Variants in TTC22 observed in about 807,000 individuals in gnomAD.
TTC22 encodes the protein tetratricopeptide repeat protein 22.
TTC22 carries 42 observed loss-of-function variants against 48.2 expected under a neutral mutation model. The ratio of observed to expected loss-of-function variants is 0.87; its 90% CI spans 0.68 to 1.13. The LOEUF is 1.13. Ranked by LOEUF, TTC22 falls within the 50% of genes most tolerant of loss-of-function variation. The pLI is 0.00. For synonymous variants in TTC22, 345 were observed against 365.5 expected (o/e 0.94, Z 0.64); for missense variants, 784 against 807.0 (o/e 0.97, Z 0.34).
chr1:54,800,548 GA>G lies in TTC22; in HGVS notation c.567+48del, dbSNP rs146274410. ...TCTCTGCAGACAGAAGGGACCATGG[GA>G]GGACCACAGTCCTCCCAGAGGGAGG... is the stretch of plus-strand genomic sequence containing the variant. On this transcript the variant is annotated intron_variant, in intron 1 of 6. Coordinates refer to ENST00000371276, the MANE Select transcript of TTC22 (RefSeq NM_001114108.2). 1,912 of 1,390,380 alleles carry G rather than the reference GA, an allele frequency of 1.4e-3. 6 individuals are homozygous for G. The African/African-American group carries it at 0.016, about 12-fold the overall frequency. 86.1% of individuals were successfully genotyped at this position (1,390,380 alleles called of 1,614,324 possible).
At chr1:54,800,391 T>TC (rs896642740) in intron 1 of TTC22, among the ~76,000 whole-genome samples, 86 of 152,230 alleles carry the variant, frequency 5.6e-4, no homozygotes, top group African/African-American at 1.9e-3. Context: ...GGGCAGGCAG[T>TC]CCCACTAGGA....
rs559868882 is a variant in TTC22, at chr1:54,786,707, G to A, written c.858+250C>T. The stretch of plus-strand genomic sequence containing the variant: ...GGCAGAGGGAATACTGTGAATGAAG[G>A]TCTCAAGGGAAAAAGTCTAAGGGTC... On this transcript the variant is annotated intron_variant, in intron 4 of 6. Transcript: ENST00000371276. 8 of 381,242 alleles carry A rather than the reference G, an allele frequency of 2.1e-5. No homozygotes were observed. The East Asian group carries it at 3.1e-4, about 15-fold the overall frequency. The allele number at this position is 381,242 out of a possible 1,614,324, so 23.6% of individuals were successfully genotyped here.
chr1:54,800,588 G>C lies in TTC22; in HGVS notation c.567+9C>G. On this transcript the variant is annotated intron_variant, in intron 1 of 6. Transcript: ENST00000371276. ...CCCAGAGGGAGGTAGGGAGACAGGG[G>C]TCACCTACCTGCTGCCCGTAGCCTA... 6.7e-7 allele frequency: 1 copy of C among 1,495,118 alleles called. No individual in the cohort carries two copies. The highest frequency in any genetic ancestry group is 8.8e-7 in the Non-Finnish European group (1 of 1,135,068). The allele number at this position is 1,495,118 out of a possible 1,614,324, so 92.6% of individuals were successfully genotyped here. A position where few individuals can be genotyped will look rare whatever the true frequency, so the allele number is the denominator to read the frequency against.
At chr1:54,788,332 A>C (rs930874306) in intron 1 of TTC22, among the ~76,000 whole-genome samples, 2 of 152,016 alleles carry the variant, frequency 1.3e-5, no homozygotes, top group African/African-American at 2.4e-5. Flanking sequence ...TGAGGTGCCT[A>C]TCCTAGAGCA....
chr1:54,788,396 G>A (rs1239925693), intron 1 of TTC22, among the ~76,000 whole-genome samples: 10 of 148,408 alleles, frequency 6.7e-5, no homozygotes, highest in African/African-American at 1.7e-4. Context: ...ACCCCAGGGC[G>A]CACACCCCAC....
chr1:54,796,695 T>TA (rs199563094), intron 1 of TTC22, among the ~76,000 whole-genome samples: 1 of 152,204 alleles, frequency 6.6e-6, no homozygotes, highest in East Asian at 1.9e-4. Flanking sequence ...GACAGGGATT[T>TA]TTTTTTAATC....
chr1:54,788,407 T>G (rs568202409), intron 1 of TTC22, among the ~76,000 whole-genome samples: 1 of 114,044 alleles, frequency 8.8e-6, no homozygotes, highest in Non-Finnish European at 1.8e-5. Context: ...CACACCCCAC[T>G]GCCCACCCTC....
chr1:54,786,975 A>C lies in TTC22; in HGVS notation c.840T>G (p.Pro280=). The change falls in exon 4 of 7, where the codon CCT becomes CCG. Residue 280 remains proline, a synonymous_variant. Coordinates refer to ENST00000371276, the MANE Select transcript of TTC22 (RefSeq NM_001114108.2). ...CAAGTACCTTGCCGAAGCAGTCTAGAGGGTCGGTCCCTGAGTACCCGCAGT... is the reference window on the plus strand; with the variant it reads ...CAAGTACCTTGCCGAAGCAGTCTAGCGGGTCGGTCCCTGAGTACCCGCAGT... ...VHDCGYSGTD[P]LDCFGKAIEI... is the part of the protein sequence containing the mutation. 2 of 1,547,712 alleles carry C rather than the reference A, an allele frequency of 1.3e-6. No individual in the cohort carries two copies. The highest frequency in any genetic ancestry group is 1.7e-6 in the Non-Finnish European group (2 of 1,146,014).
At chr1:54,784,607 A>G in intron 5 of TTC22, 1 of 1,074,134 alleles carries the variant, frequency 9.3e-7, no homozygotes, top group Non-Finnish European at 1.1e-6. Context: ...ATTATGGTTA[A>G]TGTCATTATT....
intron 2 of TTC22, 45 bp downstream of exon 2, chr1:54,787,997 C>T (rs1233336148): frequency 1.3e-5 from 21 of 1,596,046 alleles, no homozygotes; most frequent in Admixed American, 1.7e-5. Context: ...CCAGGCCACA[C>T]CTCTCCCTCT....
Position 54,781,493 on chromosome 1 carries a change from T to C in TTC22, c.1460A>G (p.Gln487Arg). ...EALLAQWSQA[Q>R]LSDGELGREV... is the part of the protein sequence containing the mutation. ...GCGGCCCAGCTCCCCGTCGCTCAGC[T>C]GTGCCTGGCTCCACTGCGCCAGCAG... The change falls in exon 7 of 7, where the codon CAG becomes CGG. Residue 487 changes from glutamine to arginine, a missense_variant. Transcript: ENST00000371276. 2.0e-6 allele frequency: 3 copies of C among 1,493,624 alleles called. No homozygotes were observed. Among genetic ancestry groups the C allele is most frequent in the East Asian group, 2.7e-5 (1 of 36,726 alleles). 92.5% of individuals were successfully genotyped at this position (1,493,624 alleles called of 1,614,324 possible).
At chr1:54,796,218 G>A (rs1197113551) in intron 1 of TTC22, among the ~76,000 whole-genome samples, 2 of 152,268 alleles carry the variant, frequency 1.3e-5, no homozygotes, top group Admixed American at 6.5e-5. Flanking sequence ...ACACGCATGC[G>A]TGCATACCAG....
At chr1:54,794,185 G>C (rs942573152) in intron 1 of TTC22, among the ~76,000 whole-genome samples, 3 of 152,172 alleles carry the variant, frequency 2.0e-5, no homozygotes, top group African/African-American at 7.2e-5. Flanking sequence ...TGAGTAAAAG[G>C]ATCAGAAATT....
Position 54,781,200 on chromosome 1 carries a change from C to T in TTC22, c.*43G>A. On this transcript the variant is annotated 3_prime_UTR_variant, in exon 7 of 7. Coordinates refer to ENST00000371276, the MANE Select transcript of TTC22 (RefSeq NM_001114108.2). The stretch of plus-strand genomic sequence containing the variant: ...CCTGGTCCCATCAGCTGGGCGGGGC[C>T]TGGGCGGGGTCCCAGGGAGCCTCCG... 2 of 1,357,978 alleles carry T rather than the reference C, an allele frequency of 1.5e-6. No homozygotes were observed. The highest frequency in any genetic ancestry group is 3.1e-5 in the African/African-American group (2 of 64,700). 84.1% of individuals were successfully genotyped at this position (1,357,978 alleles called of 1,614,324 possible).
chr1:54,788,041 C>G lies in TTC22; in HGVS notation c.623+1G>C. The G allele has an allele frequency of 6.2e-7, 1 of 1,613,932 alleles. No individual in the cohort carries two copies. Among genetic ancestry groups the G allele is most frequent in the Non-Finnish European group, 8.5e-7 (1 of 1,179,868 alleles). On this transcript the variant is annotated splice_donor_variant, in intron 2 of 6. Coordinates refer to ENST00000371276, the MANE Select transcript of TTC22 (RefSeq NM_001114108.2). LOFTEE classifies it high-confidence loss of function. ...GTACCCCCACCACCCTCTTGCCTGA[C>G]CTGATGTAGAGTGTTGCCATGGTGA...
rs1439989400 is a variant in TTC22, at chr1:54,780,531, A to T, written c.*712T>A. ...AGGGGGGGGGCAGGTGGCACCTCCTAATGGGTGGCGCCCTTAGTTTCCCCC... is the reference window on the plus strand; with the variant it reads ...AGGGGGGGGGCAGGTGGCACCTCCTTATGGGTGGCGCCCTTAGTTTCCCCC... On this transcript the variant is annotated 3_prime_UTR_variant, in exon 7 of 7. Transcript: ENST00000371276. 6.6e-6 allele frequency: 1 copy of T among 151,190 alleles called. No homozygotes were observed. The highest frequency in any genetic ancestry group is 6.6e-5 in the Admixed American group (1 of 15,192). The allele number at this position is 151,190 out of a possible 1,614,324, so 9.4% of individuals were successfully genotyped here.
Position 54,789,271 on chromosome 1 carries a change from G to A in TTC22, c.568-1174C>T, listed in dbSNP as rs529885259. On this transcript the variant is annotated intron_variant, in intron 1 of 6. Coordinates refer to ENST00000371276, the MANE Select transcript of TTC22 (RefSeq NM_001114108.2). ...GGTACAGAGGAAGTGTGGGGGATGG[G>A]CAGGCCACTCCCAGCTGGGGGATGT... Among the ~76,000 whole-genome samples, 213 of 152,352 alleles carry A rather than the reference G, an allele frequency of 1.4e-3. 1 individual carries two copies. The highest frequency in any genetic ancestry group is 2.6e-3 in the Non-Finnish European group (174 of 68,036).
At chr1:54,790,667 T>C (rs1388258484) in intron 1 of TTC22, among the ~76,000 whole-genome samples, 1 of 152,138 alleles carries the variant, frequency 6.6e-6, no homozygotes, top group East Asian at 1.9e-4. Context: ...GAGACTGGGA[T>C]TTATGGAGCA....
At chr1:54,782,523 C>T (rs1402996721) in intron 5 of TTC22, 46 bp from the exon 6 acceptor site, 44 of 1,491,558 alleles carry the variant, frequency 2.9e-5, no homozygotes, top group Non-Finnish European at 3.9e-5. Context: ...AGGCAAGGGC[C>T]TCTGCCTTCC....
Sources: allele counts gnomAD v4.1 joint callset (sites outside exome capture counted in the v4.1 genomes callset), GRCh38; gene constraint gnomAD v4.1.1; transcripts MANE v1.5; gene names NCBI Gene and HGNC (gene_info 2026-07-23, HGNC 2026-07-21).